ZKSCAN1: variants seen among roughly 807,000 people sequenced by gnomAD.
ZKSCAN1 encodes zinc finger protein with KRAB and SCAN domains 1.
ZKSCAN1 carries 14 observed loss-of-function variants against 51.6 expected under a neutral mutation model. The observed-to-expected ratio is 0.27, with a 90% confidence interval of 0.18 to 0.42. ZKSCAN1 has a LOEUF of 0.42. ZKSCAN1 is among the 10% of genes least tolerant of loss of function. The pLI, the probability that ZKSCAN1 is intolerant of heterozygous loss-of-function variation, is 1.00. For missense variants in ZKSCAN1, 531 were observed against 710.0 expected (o/e 0.75, Z 2.86); for synonymous variants, 263 against 261.5 (o/e 1.01, Z -0.06).
chr7:100,044,863 T>C (rs1791683141), downstream of ZKSCAN1: 1 of 985,244 alleles, frequency 1.0e-6, no homozygotes, highest in South Asian at 4.7e-5. Context: ...GGAGTTGTCA[T>C]GCGCCAGAGG....
rs1791441254 is a variant in ZKSCAN1 at position 100,038,100 on chromosome 7, T to TA, written c.*3910dup. On this transcript the variant is annotated 3_prime_UTR_variant, in exon 6 of 6. Coordinates refer to ENST00000324306, the MANE Select transcript of ZKSCAN1 (RefSeq NM_003439.4). ...TGAAAAAAAATGTGGGGAAATGCTT[T>TA]AAAAAAATAGCAAAATGTGCAACTT... 1.5e-5 allele frequency: 15 copies of TA among 985,384 alleles called. No individual in the cohort carries two copies. Among genetic ancestry groups the TA allele is most frequent in the Non-Finnish European group, 1.7e-5 (14 of 829,922 alleles). 61.0% of individuals were successfully genotyped at this position (985,384 alleles called of 1,614,324 possible).
downstream of ZKSCAN1, among the ~76,000 whole-genome samples, chr7:100,042,383 C>T (rs950492623): frequency 6.7e-6 from 1 of 149,358 alleles, no homozygotes; most frequent in Non-Finnish European, 1.5e-5. Flanking sequence ...GGCATCCAAA[C>T]ACATCTCTGA....
Position 100,037,356 on chromosome 7 carries a change from C to T in ZKSCAN1, c.*3159C>T. 1.0e-6 allele frequency: 1 copy of T among 985,404 alleles called. No homozygotes were observed. Among genetic ancestry groups the T allele is most frequent in the Non-Finnish European group, 1.2e-6 (1 of 829,922 alleles). 61.0% of individuals were successfully genotyped at this position (985,404 alleles called of 1,614,324 possible). ...TGTGGGGTATTTGTTTCTACTCCAGCCTGGCAGGCAAGGCTAAAACCTGAG... is the reference window on the plus strand; with the variant it reads ...TGTGGGGTATTTGTTTCTACTCCAGTCTGGCAGGCAAGGCTAAAACCTGAG... On this transcript the variant is annotated 3_prime_UTR_variant, in exon 6 of 6. Coordinates refer to ENST00000324306, the MANE Select transcript of ZKSCAN1 (RefSeq NM_003439.4).
chr7:100,025,266 A>G (rs1463812305), intron 3 of ZKSCAN1, among the ~76,000 whole-genome samples: 6 of 151,438 alleles, frequency 4.0e-5, no homozygotes, highest in African/African-American at 1.5e-4. Flanking sequence ...TTTATTTAAA[A>G]TATATAAAAA....
chr7:100,043,170 G>C (rs1178815319), downstream of ZKSCAN1, among the ~76,000 whole-genome samples: 1 of 151,778 alleles, frequency 6.6e-6, no homozygotes, highest in South Asian at 2.1e-4. Context: ...GGGCTCAAGT[G>C]ATCTGCCTGC....
chr7:100,026,733 A>AAAAT (rs1285448721), intron 3 of ZKSCAN1, among the ~76,000 whole-genome samples: 4 of 151,994 alleles, frequency 2.6e-5, no homozygotes, highest in Non-Finnish European at 4.4e-5. Context: ...TCAGAAAAAA[A>AAAAT]AAATAAATAA....
At chr7:100,044,069 T>C (rs1380317009), downstream of ZKSCAN1, among the ~76,000 whole-genome samples, 1 of 151,936 alleles carries the variant, frequency 6.6e-6, no homozygotes, top group Non-Finnish European at 1.5e-5. Context: ...GAGCCACCGC[T>C]CCCAGCCCAT....
downstream of ZKSCAN1, chr7:100,045,044 C>T (rs1791685670): frequency 1.1e-6 from 1 of 909,064 alleles, no homozygotes; most frequent in Non-Finnish European, 1.3e-6. Flanking sequence ...CCAGAGACAA[C>T]ACTAAATGCT....
chr7:100,029,037 GC>G (rs2115900108), intron 3 of ZKSCAN1, among the ~76,000 whole-genome samples: 1 of 152,066 alleles, frequency 6.6e-6, no homozygotes, highest in East Asian at 1.9e-4. Flanking sequence ...GGTGGCTCAT[GC>G]CTGTAATCCC....
At position 100,033,204 on chromosome 7, in the gene ZKSCAN1, A is replaced by G. The variant is rs1791187784; in HGVS notation, c.800-101A>G. 2.1e-6 allele frequency: 3 copies of G among 1,457,288 alleles called. No individual in the cohort carries two copies. Among genetic ancestry groups the G allele is most frequent in the Non-Finnish European group, 2.7e-6 (3 of 1,109,884 alleles). The allele number at this position is 1,457,288 out of a possible 1,614,324, so 90.3% of individuals were successfully genotyped here. A position where few individuals can be genotyped will look rare whatever the true frequency, so the allele number is the denominator to read the frequency against. Reference sequence around the variant, plus strand: ...ATAAAAATAAAAATATTGCAAAGTCATTTTGCAGCCGTGTAGAAGCTTCTC... The same window carrying G: ...ATAAAAATAAAAATATTGCAAAGTCGTTTTGCAGCCGTGTAGAAGCTTCTC... On this transcript the variant is annotated intron_variant, in intron 5 of 5. Transcript: ENST00000324306. The surrounding 1 kb of genome is among the most constrained non-coding windows in gnomAD (Gnocchi z 4.1).
downstream of ZKSCAN1, among the ~76,000 whole-genome samples, chr7:100,044,443 G>A (rs769998276): frequency 4.3e-4 from 65 of 151,912 alleles, no homozygotes; most frequent in Non-Finnish European, 7.6e-4. Flanking sequence ...TGAGGCAGGC[G>A]GATCACGAGG....
chr7:100,026,650 T>C (rs952105711), intron 3 of ZKSCAN1, among the ~76,000 whole-genome samples: 1 of 151,742 alleles, frequency 6.6e-6, no homozygotes, highest in Non-Finnish European at 1.5e-5. Context: ...TGCTTGAACC[T>C]GTAGGCAGAG....
Position 100,033,613 on chromosome 7 carries a change from G to C in ZKSCAN1, c.1108G>C (p.Val370Leu). 1 of 1,614,206 alleles carries C rather than the reference G, an allele frequency of 6.2e-7. No individual in the cohort carries two copies. Reference protein sequence around the residue: ...LSSNFTTPEEVPTGTKSHRCD... With the variant: ...LSSNFTTPEELPTGTKSHRCD... The stretch of plus-strand genomic sequence containing the variant: ...CTCCAACTTCACCACCCCTGAAGAA[G>C]TTCCCACGGGAACAAAGTCTCACAG... Residue 370 changes from valine to leucine, a missense_variant, in exon 6 of 6, where the codon GTT becomes CTT. This residue lies in a region of ZKSCAN1 where 403 missense variants were observed against 490.5 expected (regional missense o/e 0.82). Transcript: ENST00000324306. This position sits in a 1 kb window ranked among gnomAD's most constrained non-coding sequence, Gnocchi z 4.1.
chr7:100,044,436 G>A (rs1198092532), downstream of ZKSCAN1, among the ~76,000 whole-genome samples: 1 of 152,064 alleles, frequency 6.6e-6, no homozygotes, highest in African/African-American at 2.4e-5. Context: ...GGGAGGCTGA[G>A]GCAGGCGGAT....
chr7:100,024,336 G>A, intron 3 of ZKSCAN1, 29 bp downstream of exon 3: 1 of 1,611,562 alleles, frequency 6.2e-7, no homozygotes, highest in Non-Finnish European at 8.5e-7. Flanking sequence ...TTTAGGGGAA[G>A]GGAAATGATT....
At chr7:100,044,056 C>T (rs1367529036), downstream of ZKSCAN1, among the ~76,000 whole-genome samples, 2 of 152,054 alleles carry the variant, frequency 1.3e-5, no homozygotes, top group East Asian at 1.9e-4. Context: ...GGATGACAGG[C>T]GTGAGCCACC....
intron 1 of ZKSCAN1, among the ~76,000 whole-genome samples, chr7:100,021,731 T>A (rs2115835657): frequency 6.6e-6 from 1 of 151,518 alleles, no homozygotes; most frequent in African/African-American, 2.4e-5. Flanking sequence ...AGTTTCTCTA[T>A]AAGAATCTTT....
chr7:100,034,408 A>G lies in ZKSCAN1; in HGVS notation c.*211A>G, dbSNP rs1437023024. The G allele has an allele frequency of 7.7e-7, 1 of 1,302,538 alleles. No individual in the cohort carries two copies. Among genetic ancestry groups the G allele is most frequent in the Non-Finnish European group, 9.7e-7 (1 of 1,030,792 alleles). The allele number at this position is 1,302,538 out of a possible 1,614,324, so 80.7% of individuals were successfully genotyped here. A position where few individuals can be genotyped will look rare whatever the true frequency, so the allele number is the denominator to read the frequency against. ...CACACAGCCCCTGCAGGGAAAGGCT[A>G]ATCTTACGGATAATCCACGTGAGAT... On this transcript the variant is annotated 3_prime_UTR_variant, in exon 6 of 6. Coordinates refer to ENST00000324306, the MANE Select transcript of ZKSCAN1 (RefSeq NM_003439.4).
At chr7:100,031,746 C>T (rs1791115586) in intron 5 of ZKSCAN1, among the ~76,000 whole-genome samples, 1 of 152,168 alleles carries the variant, frequency 6.6e-6, no homozygotes, top group South Asian at 2.1e-4. Context: ...GAAACTATTT[C>T]CTGTGTCTGA....
Sources: allele counts gnomAD v4.1 joint callset (sites outside exome capture counted in the v4.1 genomes callset), GRCh38; gene constraint gnomAD v4.1.1; regional missense constraint gnomAD v4.1.1; non-coding constraint Gnocchi (gnomAD v3.1); transcripts MANE v1.5; gene names NCBI Gene and HGNC (gene_info 2026-07-23, HGNC 2026-07-21).